Variants in ABHD17B observed in about 807,000 individuals in gnomAD.
ABHD17B encodes the protein alpha/beta hydrolase domain-containing protein 17B.
ABHD17B carries 9 observed loss-of-function variants against 26.2 expected under a neutral mutation model. The ratio of observed to expected loss-of-function variants is 0.34; its 90% confidence interval spans 0.21 to 0.60. The LOEUF (loss-of-function observed/expected upper bound fraction) is 0.60. ABHD17B is among the 20% of genes least tolerant of loss of function. The pLI is 0.80. For missense variants in ABHD17B, 224 were observed against 352.1 expected (o/e 0.64, Z 2.91); for synonymous variants, 127 against 122.3 (o/e 1.04, Z -0.25).
downstream of ABHD17B, among the ~76,000 whole-genome samples, chr9:71,864,034 C>T (rs539109251): frequency 9.5e-4 from 145 of 152,186 alleles, no homozygotes; most frequent in African/African-American, 3.3e-3. Flanking sequence ...TTCTACACAA[C>T]TGACTTACAC....
In ABHD17B at chr9:71,890,232, G is replaced by A. The variant is rs560967509; in HGVS notation, c.-3-15149C>T. 3.9e-5 allele frequency among the ~76,000 whole-genome samples: 6 copies of A among 152,306 alleles called. No homozygotes were observed. The South Asian group carries it at 1.2e-3, about 32-fold the overall frequency. On this transcript the variant is annotated intron_variant, in intron 1 of 3. Coordinates refer to ENST00000333421, the MANE Select transcript of ABHD17B (RefSeq NM_001025780.3). ...TTGAGCCCAGGAGACAGAGGTTGCA[G>A]TGAGCCAAGTTTGTGCCACAGCATT...
chr9:71,873,081 A>G (rs953579140), intron 2 of ABHD17B, among the ~76,000 whole-genome samples: 2 of 152,004 alleles, frequency 1.3e-5, no homozygotes, highest in African/African-American at 4.8e-5. Flanking sequence ...AATCTTTAAT[A>G]TTTAAACATT....
At chr9:71,900,760 T>A (rs1009223255) in intron 1 of ABHD17B, among the ~76,000 whole-genome samples, 4 of 150,940 alleles carry the variant, frequency 2.7e-5, no homozygotes, top group Admixed American at 2.6e-4. Context: ...TATCCCCCCC[T>A]CATCACTATA....
chr9:71,879,066 G>C (rs369497956), intron 1 of ABHD17B, among the ~76,000 whole-genome samples: 2 of 152,258 alleles, frequency 1.3e-5, no homozygotes, highest in East Asian at 3.9e-4. Flanking sequence ...TGGAGTGGGA[G>C]GACTGCTGGA....
At chr9:71,875,230 C>T (rs1156358096) in intron 1 of ABHD17B, 147 bp from the exon 2 acceptor site, 9 of 480,550 alleles carry the variant, frequency 1.9e-5, no homozygotes, top group East Asian at 7.5e-5. Flanking sequence ...TTTTTGGCTT[C>T]TTTTTTTTTT....
intron 1 of ABHD17B, among the ~76,000 whole-genome samples, chr9:71,890,800 C>T (rs1422280302): frequency 2.0e-5 from 3 of 152,092 alleles, no homozygotes; most frequent in Non-Finnish European, 4.4e-5. Flanking sequence ...TTAACATATT[C>T]CAATTTATTA....
At chr9:71,870,403 G>T in intron 2 of ABHD17B, 141 bp from the exon 3 acceptor site, 1 of 640,762 alleles carries the variant, frequency 1.6e-6, no homozygotes, top group South Asian at 3.9e-5. Context: ...AGCTATTACT[G>T]TTAGTTTTAA....
At position 71,878,337 on chromosome 9, in the gene ABHD17B, A is replaced by T. The variant is rs75104735; in HGVS notation, c.-3-3254T>A. On this transcript the variant is annotated intron_variant, in intron 1 of 3. Transcript: ENST00000333421. ...TGGGAATTAAGAGACAGAAAACAAC[A>T]AAATTTAATAGATAGAAATAGAAGT... Among the ~76,000 whole-genome samples, 907 of 152,304 alleles carry T rather than the reference A, an allele frequency of 6.0e-3. 8 individuals carry two copies. Among genetic ancestry groups the T allele is most frequent in the Non-Finnish European group, 9.1e-3 (620 of 68,028 alleles).
At position 71,897,234 on chromosome 9, in the gene ABHD17B, C is replaced by G. The variant is rs138455337; in HGVS notation, c.-4+13400G>C. On this transcript the variant is annotated intron_variant, in intron 1 of 3. Coordinates refer to ENST00000333421, the MANE Select transcript of ABHD17B (RefSeq NM_001025780.3). ...TTAAACTTCTTGTAACCTTGCCCTA[C>G]ACGAGATATAAAGTCATTCTGCAGG... is the stretch of plus-strand genomic sequence containing the variant. 7.2e-3 allele frequency among the ~76,000 whole-genome samples: 1,100 copies of G among 152,300 alleles called. 9 individuals carry two copies. The highest frequency in any genetic ancestry group is 0.025 in the African/African-American group (1,039 of 41,564).
At chr9:71,874,119 T>G (rs1044419002) in intron 2 of ABHD17B, among the ~76,000 whole-genome samples, 10 of 152,242 alleles carry the variant, frequency 6.6e-5, no homozygotes, top group Non-Finnish European at 1.3e-4. Flanking sequence ...ATAAACATTT[T>G]TTATATCACA....
downstream of ABHD17B, among the ~76,000 whole-genome samples, chr9:71,863,024 G>C (rs1825867723): frequency 6.6e-6 from 1 of 151,432 alleles, no homozygotes; most frequent in Non-Finnish European, 1.5e-5. Context: ...AAAAATCTAT[G>C]GTATATATTC....
chr9:71,867,310 T>C (rs1825985482), intron 3 of ABHD17B, among the ~76,000 whole-genome samples: 1 of 152,202 alleles, frequency 6.6e-6, no homozygotes, highest in African/African-American at 2.4e-5. Context: ...GAAACTTAGG[T>C]GTCCAGAAGA....
chr9:71,906,733 C>A lies in ABHD17B; in HGVS notation c.-4+3901G>T, dbSNP rs139192052. ...CTCAGGAGGCTGAAGTGGGAGGATCCCTTGAGCCCAGGAGTTTGAGGTTAC... is the reference window on the plus strand; with the variant it reads ...CTCAGGAGGCTGAAGTGGGAGGATCACTTGAGCCCAGGAGTTTGAGGTTAC... On this transcript the variant is annotated intron_variant, in intron 1 of 3. Coordinates refer to ENST00000333421, the MANE Select transcript of ABHD17B (RefSeq NM_001025780.3). Among the ~76,000 whole-genome samples the A allele has an allele frequency of 2.0e-5, 3 of 152,100 alleles. No individual in the cohort carries two copies. The East Asian group carries it at 5.8e-4, about 29-fold the overall frequency.
At chr9:71,862,594 T>C, downstream of ABHD17B, 1 of 1,383,866 alleles carries the variant, frequency 7.2e-7, no homozygotes. Context: ...CTTCCCTTCT[T>C]TATGTTTCTG....
chr9:71,910,519 C>A (rs1277621801), intron 1 of ABHD17B, 115 bp downstream of exon 1: 1 of 152,296 alleles, frequency 6.6e-6, no homozygotes, highest in African/African-American at 2.4e-5. Context: ...AAAGACGCTT[C>A]CCGCTCCCCT....
chr9:71,888,163 T>C (rs1475862713), intron 1 of ABHD17B, among the ~76,000 whole-genome samples: 1 of 152,238 alleles, frequency 6.6e-6, no homozygotes, highest in African/African-American at 2.4e-5. Context: ...GTCTTACTGA[T>C]GGAGCAGTAA....
intron 1 of ABHD17B, among the ~76,000 whole-genome samples, chr9:71,896,166 T>C (rs903097593): frequency 3.9e-5 from 6 of 152,164 alleles, no homozygotes; most frequent in Non-Finnish European, 8.8e-5. Context: ...TGTTACAAAA[T>C]AAACCAAGCT....
intron 1 of ABHD17B, among the ~76,000 whole-genome samples, chr9:71,907,206 T>C (rs1417549424): frequency 6.6e-6 from 1 of 152,138 alleles, no homozygotes; most frequent in Non-Finnish European, 1.5e-5. Flanking sequence ...CATAGTTATA[T>C]AACAGAGCAC....
intron 1 of ABHD17B, among the ~76,000 whole-genome samples, chr9:71,901,832 C>CA (rs1398073533): frequency 6.6e-6 from 1 of 151,906 alleles, no homozygotes; most frequent in Non-Finnish European, 1.5e-5. Flanking sequence ...ATATCTATTT[C>CA]ATACCCCCCT....
Sources: allele counts gnomAD v4.1 joint callset (sites outside exome capture counted in the v4.1 genomes callset), GRCh38; gene constraint gnomAD v4.1.1; transcripts MANE v1.5; gene names NCBI Gene and HGNC (gene_info 2026-07-23, HGNC 2026-07-21).